The following RABGAP1L variants were observed in gnomAD, a reference collection of about 807,000 sequenced individuals.
RABGAP1L encodes the protein rab GTPase-activating protein 1-like.
Under a neutral mutation model 137.7 loss-of-function variants are expected in RABGAP1L, and 63 were observed. The ratio of observed to expected loss-of-function variants is 0.46; its 90% CI spans 0.37 to 0.56. The LOEUF (loss-of-function observed/expected upper bound fraction) is 0.56, where lower values mean the gene tolerates loss of function less well. Ranked by LOEUF, RABGAP1L falls within the 20% of genes least tolerant of loss-of-function variation. The pLI, the probability that RABGAP1L is intolerant of heterozygous loss-of-function variation, is 0.00. For missense variants in RABGAP1L, 1,095 were observed against 1,244.0 expected, an observed-to-expected ratio of 0.88 and a Z score of 1.80; for synonymous variants, 431 against 433.7, an observed-to-expected ratio of 0.99 and a Z score of 0.08.
chr1:174,368,611 G>C (rs1229338597), intron 11 of RABGAP1L, among the ~76,000 whole-genome samples: 1 of 152,010 alleles, frequency 6.6e-6, no homozygotes, highest in Non-Finnish European at 1.5e-5. Flanking sequence ...GTACTGTGTC[G>C]ATATCCTTAG....
At chr1:174,936,045 A>C in intron 19 of RABGAP1L, among the ~76,000 whole-genome samples, 1 of 148,278 alleles carries the variant, frequency 6.7e-6, no homozygotes, top group South Asian at 2.2e-4. Context: ...TTTTTGCAGT[A>C]TGTAGATTTA....
At chr1:174,913,960 C>T (rs2149204976) in intron 19 of RABGAP1L, among the ~76,000 whole-genome samples, 1 of 152,246 alleles carries the variant, frequency 6.6e-6, no homozygotes, top group East Asian at 1.9e-4. Context: ...GGATAGATTT[C>T]CCAGCATATT....
intron 13 of RABGAP1L, among the ~76,000 whole-genome samples, chr1:174,403,675 G>A (rs1260729092): frequency 2.0e-5 from 3 of 152,020 alleles, no homozygotes; most frequent in African/African-American, 4.8e-5. Context: ...TGGTGTCAGG[G>A]CATGTTTCTA....
At chr1:174,923,128 A>T (rs79626895) in intron 19 of RABGAP1L, among the ~76,000 whole-genome samples, 3,132 of 149,344 alleles carry the variant, frequency 0.021, 49 homozygotes, top group Middle Eastern at 0.075. Context: ...ATTGTGTGAC[A>T]GAACAAGACC....
At chr1:174,339,638 A>T (rs1681792612) in intron 11 of RABGAP1L, among the ~76,000 whole-genome samples, 1 of 151,094 alleles carries the variant, frequency 6.6e-6, no homozygotes, top group African/African-American at 2.4e-5. Context: ...ACGGAGTCTC[A>T]CTCTATTGCC....
intron 17 of RABGAP1L, among the ~76,000 whole-genome samples, chr1:174,741,023 A>C (rs915498367): frequency 2.1e-5 from 3 of 140,300 alleles, no homozygotes; most frequent in African/African-American, 8.0e-5. Flanking sequence ...TTGTCTCTTC[A>C]CTCTGTTGAT....
At chr1:174,578,183 G>GT (rs1329596564) in intron 13 of RABGAP1L, among the ~76,000 whole-genome samples, 2 of 152,112 alleles carry the variant, frequency 1.3e-5, no homozygotes, top group East Asian at 1.9e-4. Context: ...GTGAAACTAG[G>GT]TTTTTTTCTT....
chr1:174,783,797 C>T (rs1687225135), intron 18 of RABGAP1L, among the ~76,000 whole-genome samples: 1 of 149,268 alleles, frequency 6.7e-6, no homozygotes, highest in Non-Finnish European at 1.5e-5. Context: ...CAACCTCCAC[C>T]TCCCGAGTTC....
At chr1:174,545,220 A>C (rs1665900969) in intron 13 of RABGAP1L, 1 of 152,486 alleles carries the variant, frequency 6.6e-6, no homozygotes, top group African/African-American at 2.4e-5. Context: ...CCAGGAAGGC[A>C]GGCAGGCCTC....
At chr1:174,469,772 A>G (rs1238357778) in intron 13 of RABGAP1L, among the ~76,000 whole-genome samples, 1 of 152,168 alleles carries the variant, frequency 6.6e-6, no homozygotes, top group Non-Finnish European at 1.5e-5. Flanking sequence ...AAACAAGAAC[A>G]TCAAAATTGC....
rs574444154 is a variant in RABGAP1L at position 174,767,268 on chromosome 1, AC to A, written c.2211+14915del. On this transcript the variant is annotated intron_variant, in intron 18 of 25. Transcript: ENST00000681986. ...CAGCATAAACCTCTTCAAATATTTTACAGAGCTTGACTCTTCATCGACATTA... is the reference window on the plus strand; with the variant it reads ...CAGCATAAACCTCTTCAAATATTTTAAGAGCTTGACTCTTCATCGACATTA... Among the ~76,000 whole-genome samples, 37 of 152,352 alleles carry A rather than the reference AC, an allele frequency of 2.4e-4. 1 individual carries two copies. In the South Asian group the frequency reaches 7.7e-3, roughly 32 times the overall value.
Position 174,463,976 on chromosome 1 carries a change from A to G in RABGAP1L, c.1710+69831A>G, listed in dbSNP as rs187918260. Among the ~76,000 whole-genome samples the G allele has an allele frequency of 2.9e-3, 438 of 152,260 alleles. 1 individual carries two copies. Among genetic ancestry groups the G allele is most frequent in the African/African-American group, 9.7e-3 (403 of 41,544 alleles). ...AGCTTATACTACATATTGGATTACAAATTTTTTAAAGGCTTTCTGTTTACC... is the reference window on the plus strand; with the variant it reads ...AGCTTATACTACATATTGGATTACAGATTTTTTAAAGGCTTTCTGTTTACC... On this transcript the variant is annotated intron_variant, in intron 13 of 25. Coordinates refer to ENST00000681986, the MANE Select transcript of RABGAP1L (RefSeq NM_001366446.1).
At chr1:174,437,870 C>T (rs1466166995) in intron 13 of RABGAP1L, among the ~76,000 whole-genome samples, 1 of 152,208 alleles carries the variant, frequency 6.6e-6, no homozygotes, top group African/African-American at 2.4e-5. Flanking sequence ...CAGCTGATCT[C>T]TCGGCAGAAA....
chr1:174,706,409 TAGTC>T (rs1680050178), intron 17 of RABGAP1L, among the ~76,000 whole-genome samples: 1 of 152,150 alleles, frequency 6.6e-6, no homozygotes, highest in Admixed American at 6.5e-5. Flanking sequence ...GATTGTCTTT[TAGTC>T]AGTAACTGAA....
chr1:174,832,799 A>G (rs568095525), intron 19 of RABGAP1L, among the ~76,000 whole-genome samples: 1 of 152,244 alleles, frequency 6.6e-6, no homozygotes, highest in South Asian at 2.1e-4. Flanking sequence ...TTTTTCCCTT[A>G]TGATTCTATG....
chr1:174,767,358 A>AT (rs1006063256), intron 18 of RABGAP1L, among the ~76,000 whole-genome samples: 5 of 151,926 alleles, frequency 3.3e-5, no homozygotes, highest in Admixed American at 6.6e-5. Context: ...GTCTTATTTA[A>AT]TTTTTTTTGA....
At chr1:174,629,980 A>G (rs1673222252) in intron 13 of RABGAP1L, among the ~76,000 whole-genome samples, 1 of 151,944 alleles carries the variant, frequency 6.6e-6, no homozygotes, top group South Asian at 2.1e-4. Context: ...CCAGTTTTCA[A>G]AGGGAATGCT....
chr1:174,301,589 A>G (rs1031488456), intron 10 of RABGAP1L, among the ~76,000 whole-genome samples: 1 of 151,728 alleles, frequency 6.6e-6, no homozygotes, highest in African/African-American at 2.4e-5. Flanking sequence ...TCACGCTGAG[A>G]ATTGAAGAGT....
In RABGAP1L at chr1:174,976,154, A is replaced by C; in HGVS notation, c.2621A>C (p.Lys874Thr). 6.4e-7 allele frequency: 1 copy of C among 1,550,752 alleles called. No individual in the cohort carries two copies. The change falls in exon 22 of 26, where the codon AAG (lysine) becomes ACG (threonine). Residue 874 changes from lysine to threonine, a missense_variant. Physicochemically the swap from Lys to Thr is moderately conservative, Grantham distance 78. Transcript: ENST00000681986. ...KQRLVETEEE[K>T]RKQEEETAQL... ...AGGCTGGTGGAGACTGAAGAGGAGA[A>C]GAGGAAGCAAGAGGAAGAGACTGCC... is the stretch of plus-strand genomic sequence containing the variant.
Sources: allele counts gnomAD v4.1 joint callset (sites outside exome capture counted in the v4.1 genomes callset), GRCh38; gene constraint gnomAD v4.1.1; transcripts MANE v1.5; gene names NCBI Gene and HGNC (gene_info 2026-07-23, HGNC 2026-07-21).